IQCE: variants seen among roughly 807,000 people sequenced by gnomAD.
The protein encoded by IQCE is IQ motif containing E, also known as IQ domain-containing protein E.
In IQCE, 115 loss-of-function variants were observed where a neutral mutation model predicts 96.0. The observed-to-expected ratio is 1.20, with a 90% CI of 1.03 to 1.40. IQCE has a LOEUF of 1.40. IQCE is among the 40% of genes most tolerant of loss of function. The probability of loss-of-function intolerance (pLI) is 0.00; values close to 1 mark genes in which losing one functional copy is unlikely to be tolerated. For synonymous variants in IQCE, 412 were observed against 371.2 expected (o/e 1.11, Z -1.26); for missense variants, 1,041 against 909.1 (o/e 1.15, Z -1.87).
Position 2,603,363 on chromosome 7 carries a change from G to A in IQCE, c.1633-1518G>A, listed in dbSNP as rs544070477. Among the ~76,000 whole-genome samples the A allele has an allele frequency of 2.6e-5, 4 of 152,312 alleles. No homozygotes were observed. In the East Asian group the frequency reaches 7.7e-4, roughly 29 times the overall value. On this transcript the variant is annotated intron_variant, in intron 18 of 21. Coordinates refer to ENST00000402050, the MANE Select transcript of IQCE (RefSeq NM_152558.5). ...CCACACCTCTGGTGCCTAGACTGGCGCCTGGCATGTGGGAGGCATGGGGTA... is the reference window on the plus strand; with the variant it reads ...CCACACCTCTGGTGCCTAGACTGGCACCTGGCATGTGGGAGGCATGGGGTA...
chr7:2,577,042 G>C (rs1362026690), intron 6 of IQCE, among the ~76,000 whole-genome samples: 2 of 152,172 alleles, frequency 1.3e-5, no homozygotes, highest in Admixed American at 1.3e-4. Flanking sequence ...TGTCTATCCA[G>C]CCTTCCACGT....
chr7:2,603,508 C>A (rs550850523), intron 18 of IQCE, among the ~76,000 whole-genome samples: 1 of 152,160 alleles, frequency 6.6e-6, no homozygotes, highest in Non-Finnish European at 1.5e-5. Flanking sequence ...TCAGGGGCCT[C>A]GTCTCTAAGT....
rs1301250272 is a variant in IQCE at position 2,589,895 on chromosome 7, T to A, written c.1045-12T>A. The A allele has an allele frequency of 6.2e-7, 1 of 1,612,876 alleles. No individual in the cohort carries two copies. The highest frequency in any genetic ancestry group is 2.2e-5 in the East Asian group (1 of 44,882). ...AGAACTAGTATCTAACACATGTCTG[T>A]GTTGCCTCCAGAAACTAAGTGTGAT... On this transcript the variant is annotated splice_polypyrimidine_tract_variant and intron_variant, in intron 13 of 21. Transcript: ENST00000402050.
intron 21 of IQCE, chr7:2,607,630 T>A: frequency 1.0e-6 from 1 of 970,204 alleles, no homozygotes; most frequent in Non-Finnish European, 1.3e-6. Context: ...CACACCCTGG[T>A]GTGAGGCCTC....
At chr7:2,572,393 C>T in intron 5 of IQCE, 67 bp downstream of exon 5, 3 of 1,516,124 alleles carry the variant, frequency 2.0e-6, no homozygotes. Context: ...AGTCTCTGGG[C>T]TGGAGGCGTC....
chr7:2,590,831 A>C (rs546141518), intron 14 of IQCE, among the ~76,000 whole-genome samples: 1 of 152,320 alleles, frequency 6.6e-6, no homozygotes, highest in African/African-American at 2.4e-5. Context: ...AGGAATCTTC[A>C]AATTGTCTGT....
intron 1 of IQCE, among the ~76,000 whole-genome samples, chr7:2,563,409 G>GTGTGTC (rs1562615959): frequency 2.5e-4 from 38 of 151,352 alleles, no homozygotes; most frequent in African/African-American, 8.3e-4. Flanking sequence ...GTGTGTGTGT[G>GTGTGTC]TGTACAGGGT....
At chr7:2,579,828 T>C (rs936572649) in intron 8 of IQCE, among the ~76,000 whole-genome samples, 20 of 151,862 alleles carry the variant, frequency 1.3e-4, no homozygotes, top group African/African-American at 4.8e-4. Context: ...ACTGCAGCAT[T>C]CAGCTCACGT....
intron 12 of IQCE, among the ~76,000 whole-genome samples, chr7:2,586,882 G>A (rs560587529): frequency 5.9e-5 from 9 of 152,146 alleles, no homozygotes; most frequent in Non-Finnish European, 1.2e-4. Context: ...GAGGCAGGGT[G>A]CCATGGGAGC....
At chr7:2,606,643 C>G (rs1258950880) in intron 20 of IQCE, among the ~76,000 whole-genome samples, 2 of 152,190 alleles carry the variant, frequency 1.3e-5, no homozygotes, top group South Asian at 2.1e-4. Context: ...CCCAGCACTT[C>G]CGAGTGGGCA....
intron 6 of IQCE, among the ~76,000 whole-genome samples, chr7:2,575,579 G>T (rs1319330169): frequency 2.0e-5 from 3 of 152,174 alleles, no homozygotes; most frequent in African/African-American, 7.2e-5. Flanking sequence ...GGGCAAGGGT[G>T]AGTGTCTGGG....
intron 2 of IQCE, 25 bp from the exon 3 acceptor site, chr7:2,568,929 T>C (rs1184145474): frequency 1.2e-6 from 2 of 1,608,362 alleles, no homozygotes; most frequent in Non-Finnish European, 1.7e-6. Flanking sequence ...TCAGCAAGCC[T>C]TATGCCATTT....
At chr7:2,606,873 C>G (rs898874723) in intron 20 of IQCE, among the ~76,000 whole-genome samples, 5 of 152,176 alleles carry the variant, frequency 3.3e-5, no homozygotes, top group African/African-American at 1.2e-4. Context: ...CTTATAAAAC[C>G]ATGCCGGCCT....
intron 8 of IQCE, among the ~76,000 whole-genome samples, chr7:2,581,803 G>T (rs1011210613): frequency 6.7e-6 from 1 of 149,822 alleles, no homozygotes; most frequent in African/African-American, 2.5e-5. Context: ...TCCGCTTCCC[G>T]GGTTCATGCC....
chr7:2,588,654 G>GTTTTTTTTTT (rs370704456), intron 13 of IQCE, among the ~76,000 whole-genome samples: 4 of 49,750 alleles, frequency 8.0e-5, no homozygotes, highest in African/African-American at 3.5e-4. Context: ...TGCCTGGCTG[G>GTTTTTTTTTT]TTTTTTTTTT....
intron 1 of IQCE, among the ~76,000 whole-genome samples, chr7:2,561,737 A>G (rs1780982099): frequency 6.6e-6 from 1 of 152,212 alleles, no homozygotes; most frequent in South Asian, 2.1e-4. Context: ...TAATATTTTT[A>G]TATGAATCTC....
intron 1 of IQCE, among the ~76,000 whole-genome samples, chr7:2,563,357 C>T (rs1781107207): frequency 7.0e-6 from 1 of 143,514 alleles, no homozygotes; most frequent in African/African-American, 2.8e-5. Context: ...CCATGATGCC[C>T]AGCTAATTAA....
rs1322156474 is a variant in IQCE, at chr7:2,607,043, A to C, written c.1866-81A>C. On this transcript the variant is annotated intron_variant, in intron 20 of 21. Coordinates refer to ENST00000402050, the MANE Select transcript of IQCE (RefSeq NM_152558.5). ...CATTGGAATACTTGCCTCCAAGCAA[A>C]TTACTGAGGCTGCTGTAAACCTCAG... 8.3e-6 allele frequency: 11 copies of C among 1,321,156 alleles called. No individual in the cohort carries two copies. The Admixed American group carries it at 2.7e-4, about 32-fold the overall frequency. 81.8% of individuals were successfully genotyped at this position (1,321,156 alleles called of 1,614,324 possible). A position where few individuals can be genotyped will look rare whatever the true frequency, so the allele number is the denominator to read the frequency against.
chr7:2,605,516 A>T (rs1377746151), intron 19 of IQCE, among the ~76,000 whole-genome samples: 1 of 152,104 alleles, frequency 6.6e-6, no homozygotes, highest in African/African-American at 2.4e-5. Flanking sequence ...GCTACTCAGG[A>T]GGCTGAGGCA....
Sources: gnomAD v4.1 joint callset for allele counts (sites outside exome capture counted in the v4.1 genomes callset) on GRCh38, gnomAD v4.1.1 for gene constraint, MANE v1.5 for transcripts, NCBI Gene and HGNC (gene_info 2026-07-23, HGNC 2026-07-21) for gene names.